The following TCF25 variants were observed in gnomAD, a reference collection of about 807,000 sequenced individuals.
The protein encoded by TCF25 is TCF25 ribosome quality control complex subunit, also known as ribosome quality control complex subunit TCF25.
TCF25 carries 41 observed loss-of-function variants against 83.1 expected under a neutral mutation model. The ratio of observed to expected loss-of-function variants is 0.49; its 90% CI spans 0.38 to 0.64. TCF25 has a LOEUF of 0.64. Among genes scored for constraint, TCF25 ranks in the 30% least tolerant of loss-of-function variants. The pLI is 0.00. For missense variants in TCF25, 979 were observed against 914.5 expected (o/e 1.07, Z -0.91); for synonymous variants, 458 against 365.0 (o/e 1.25, Z -2.90).
chr16:89,906,154 T>A (rs199581767), intron 14 of TCF25, 40 bp from the exon 15 acceptor site: 4 of 1,577,350 alleles, frequency 2.5e-6, no homozygotes, highest in African/African-American at 1.3e-5. Flanking sequence ...TTTCATTTGC[T>A]GTGCTTTATC....
In TCF25 at chr16:89,882,175, C is replaced by T. The variant is rs563375333; in HGVS notation, c.193-1176C>T. Among the ~76,000 whole-genome samples, 17 of 152,290 alleles carry T rather than the reference C, an allele frequency of 1.1e-4. No individual in the cohort carries two copies. The East Asian group carries it at 1.7e-3, about 16-fold the overall frequency. ...GAGGTTTTATCCATTTAATATTATA[C>T]TCCTAAGATTCATCCATATTGTGTG... On this transcript the variant is annotated intron_variant, in intron 1 of 17. Coordinates refer to ENST00000263346, the MANE Select transcript of TCF25 (RefSeq NM_014972.3).
intron 12 of TCF25, 121 bp from the exon 13 acceptor site, chr16:89,903,997 C>T: frequency 4.0e-6 from 4 of 1,000,530 alleles, no homozygotes; most frequent in East Asian, 5.3e-5. Context: ...CCTGCAGACT[C>T]TCCACCTTAG....
chr16:89,880,687 G>T (rs1286383997), intron 1 of TCF25, among the ~76,000 whole-genome samples: 1 of 152,102 alleles, frequency 6.6e-6, no homozygotes, highest in Non-Finnish European at 1.5e-5. Flanking sequence ...ACAGGAATTT[G>T]AGGCCAGCCT....
intron 7 of TCF25, 152 bp downstream of exon 7, chr16:89,894,010 G>T: frequency 7.9e-6 from 9 of 1,137,566 alleles, no homozygotes; most frequent in Non-Finnish European, 1.1e-5. Context: ...GTCTGGCCCT[G>T]TGACCAGAAG....
chr16:89,892,138 T>G (rs1325784513), intron 5 of TCF25, 55 bp from the exon 6 acceptor site: 1 of 1,506,220 alleles, frequency 6.6e-7, no homozygotes, highest in Non-Finnish European at 8.9e-7. Context: ...CAGCCAAGCC[T>G]TGGTCCCCAC....
intron 16 of TCF25, chr16:89,909,100 G>A (rs761046139): frequency 8.0e-5 from 103 of 1,289,368 alleles, no homozygotes; most frequent in Non-Finnish European, 1.0e-4. Context: ...GTGACACAGT[G>A]GAAGCAGGTG....
At chr16:89,883,644 C>A (rs2042768481) in intron 2 of TCF25, 132 bp downstream of exon 2, 1 of 1,080,038 alleles carries the variant, frequency 9.3e-7, no homozygotes, top group Non-Finnish European at 1.3e-6. Context: ...CTGCTAGTTG[C>A]CCCCAAATTT....
At chr16:89,883,631 T>G in intron 2 of TCF25, 119 bp downstream of exon 2, 1 of 1,243,082 alleles carries the variant, frequency 8.0e-7, no homozygotes, top group Non-Finnish European at 1.1e-6. Context: ...CCATTTTGGT[T>G]ACCTGCTAGT....
chr16:89,885,478 T>A lies in TCF25; in HGVS notation c.430-370T>A, dbSNP rs56998397. ...TAGTCTGTCATCAGAAAAAAATATG[T>A]TTTCATCATTGCCCTTCGTCCTCGT... On this transcript the variant is annotated intron_variant, in intron 3 of 17. Coordinates refer to ENST00000263346, the MANE Select transcript of TCF25 (RefSeq NM_014972.3). Among the ~76,000 whole-genome samples the A allele has an allele frequency of 1.2e-4, 18 of 152,300 alleles. No homozygotes were observed. In the East Asian group the frequency reaches 3.5e-3, roughly 29 times the overall value.
chr16:89,907,749 T>C (rs538356114), intron 16 of TCF25, among the ~76,000 whole-genome samples: 269 of 5,396 alleles, frequency 0.05, no homozygotes, highest in Middle Eastern at 0.5. Context: ...CCTCCCACCT[T>C]CCAGCTCCCG....
intron 6 of TCF25, among the ~76,000 whole-genome samples, chr16:89,893,126 G>T (rs2144115651): frequency 6.6e-6 from 1 of 152,310 alleles, no homozygotes; most frequent in East Asian, 1.9e-4. Flanking sequence ...TGGGGCCTTG[G>T]GCAGGGCCAT....
Position 89,892,185 on chromosome 16 carries a change from C to G in TCF25, c.615-8C>G, listed in dbSNP as rs747160957. 6.2e-7 allele frequency: 1 copy of G among 1,600,944 alleles called. No homozygotes were observed. The highest frequency in any genetic ancestry group is 2.3e-5 in the East Asian group (1 of 44,046). On this transcript the variant is annotated splice_region_variant and splice_polypyrimidine_tract_variant and intron_variant, in intron 5 of 17. Coordinates refer to ENST00000263346, the MANE Select transcript of TCF25 (RefSeq NM_014972.3). ...AGTAAAGCTGTACCTGTGTCCCGTT[C>G]TCCCCAGGCCACGGCAGAGACAACG...
intron 1 of TCF25, among the ~76,000 whole-genome samples, chr16:89,874,197 T>G (rs1410708490): frequency 1.3e-5 from 2 of 151,720 alleles, no homozygotes; most frequent in African/African-American, 4.8e-5. Context: ...GTGCGGGGCC[T>G]TGATGCCAAG....
chr16:89,884,671 C>T lies in TCF25; in HGVS notation c.429+15C>T, dbSNP rs779244867. 12 of 1,609,294 alleles carry T rather than the reference C, an allele frequency of 7.5e-6. No homozygotes were observed. The African/African-American group carries it at 1.5e-4, about 20-fold the overall frequency. ...GAGAAGCATCGGTACGTGAGTTGGG[C>T]CTGGCTGTGCTCTGTCCCTCTGCCT... On this transcript the variant is annotated intron_variant, in intron 3 of 17. Transcript: ENST00000263346.
At chr16:89,909,436 G>A (rs1035655293) in intron 16 of TCF25, 5 of 237,016 alleles carry the variant, frequency 2.1e-5, no homozygotes, top group Non-Finnish European at 2.6e-5. Context: ...GTTTGAACCC[G>A]GGAGGCACAG....
intron 7 of TCF25, 199 bp downstream of exon 7, chr16:89,894,057 A>G: frequency 4.0e-6 from 3 of 750,356 alleles, no homozygotes; most frequent in East Asian, 2.8e-5. Context: ...AGCGAGCTCC[A>G]TCCATACTCA....
intron 1 of TCF25, among the ~76,000 whole-genome samples, chr16:89,875,131 T>C (rs536807220): frequency 1.1e-4 from 17 of 152,336 alleles, no homozygotes; most frequent in Admixed American, 1.1e-3. Context: ...TCTCAGAGTG[T>C]TGGCATTAGA....
At chr16:89,895,866 G>T (rs1321430821) in intron 8 of TCF25, 124 bp from the exon 9 acceptor site, 22 of 777,576 alleles carry the variant, frequency 2.8e-5, no homozygotes. Flanking sequence ...TGCCCTCTCA[G>T]TGTCCAGGAC....
At chr16:89,910,521 C>T (rs2045475142) in intron 16 of TCF25, 70 bp from the exon 17 acceptor site, 1 of 1,544,896 alleles carries the variant, frequency 6.5e-7, no homozygotes, top group African/African-American at 1.4e-5. Flanking sequence ...GCAGGCAGCC[C>T]CGTGAGCCGG....
Sources: allele counts gnomAD v4.1 joint callset (sites outside exome capture counted in the v4.1 genomes callset), GRCh38; gene constraint gnomAD v4.1.1; transcripts MANE v1.5; gene names NCBI Gene and HGNC (gene_info 2026-07-23, HGNC 2026-07-21).